LRCH1: variants seen among roughly 807,000 people sequenced by gnomAD.
LRCH1 encodes leucine rich repeats and calponin homology domain containing 1.
Under a neutral mutation model 94.9 loss-of-function variants are expected in LRCH1, and 23 were observed. The ratio of observed to expected loss-of-function variants is 0.24; its 90% CI spans 0.17 to 0.34. LRCH1 has a LOEUF of 0.34. Ranked by LOEUF, LRCH1 falls within the 10% of genes least tolerant of loss-of-function variation. The pLI is 1.00. For synonymous variants in LRCH1, 364 were observed against 354.9 expected, an observed-to-expected ratio of 1.03 and a Z score of -0.29; for missense variants, 790 against 945.9, an observed-to-expected ratio of 0.84 and a Z score of 2.16.
chr13:46,602,978 G>A (rs7992710), intron 1 of LRCH1, among the ~76,000 whole-genome samples: 51 of 149,934 alleles, frequency 3.4e-4, no homozygotes, highest in Non-Finnish European at 6.4e-4. Flanking sequence ...ATACATGCAT[G>A]CATACATACA....
intron 4 of LRCH1, among the ~76,000 whole-genome samples, chr13:46,685,490 T>C (rs181881232): frequency 5.0e-4 from 76 of 152,308 alleles, no homozygotes; most frequent in African/African-American, 1.8e-3. Flanking sequence ...CCCAAATACA[T>C]TGATTAGATA....
chr13:46,585,681 T>C (rs2050427460), intron 1 of LRCH1, among the ~76,000 whole-genome samples: 1 of 152,174 alleles, frequency 6.6e-6, no homozygotes, highest in Non-Finnish European at 1.5e-5. Flanking sequence ...ACTCAAGTAA[T>C]TTTCATTCTT....
intron 15 of LRCH1, among the ~76,000 whole-genome samples, chr13:46,715,138 A>G (rs1872255550): frequency 6.6e-6 from 1 of 152,266 alleles, no homozygotes; most frequent in Middle Eastern, 3.4e-3. Context: ...ATTCTATGTC[A>G]CCAATTTTTT....
chr13:46,671,751 AAAAC>A, intron 3 of LRCH1, among the ~76,000 whole-genome samples: 1 of 152,366 alleles, frequency 6.6e-6, no homozygotes, highest in Non-Finnish European at 1.5e-5. Flanking sequence ...AACAACTAAA[AAAAC>A]CAGACTTTAT....
intron 5 of LRCH1, 59 bp downstream of exon 5, chr13:46,686,100 G>A: frequency 7.3e-7 from 1 of 1,375,394 alleles, no homozygotes; most frequent in East Asian, 2.7e-5. Flanking sequence ...AGGAGCCAAG[G>A]GAAAATTTCC....
intron 17 of LRCH1, among the ~76,000 whole-genome samples, chr13:46,726,808 T>C (rs1318842321): frequency 1.4e-5 from 2 of 140,980 alleles, no homozygotes; most frequent in African/African-American, 5.2e-5. Flanking sequence ...GATGCCTGCA[T>C]TCACCTGGCG....
At chr13:46,609,739 A>G (rs2050726583) in intron 1 of LRCH1, among the ~76,000 whole-genome samples, 2 of 152,132 alleles carry the variant, frequency 1.3e-5, no homozygotes, top group Admixed American at 1.3e-4. Context: ...GTGACAGGCA[A>G]TAATTAAGTA....
chr13:46,643,344 G>T (rs2051181687), intron 1 of LRCH1, among the ~76,000 whole-genome samples: 1 of 152,208 alleles, frequency 6.6e-6, no homozygotes, highest in Non-Finnish European at 1.5e-5. Context: ...GCAGAGTTAG[G>T]AATGCTCATA....
chr13:46,690,661 G>A (rs1223537534), intron 7 of LRCH1, among the ~76,000 whole-genome samples: 1 of 152,104 alleles, frequency 6.6e-6, no homozygotes, highest in Non-Finnish European at 1.5e-5. Context: ...GAAAGAGAAG[G>A]GAATACAGAA....
intron 1 of LRCH1, among the ~76,000 whole-genome samples, chr13:46,641,740 G>A (rs959872908): frequency 6.6e-6 from 1 of 152,132 alleles, no homozygotes; most frequent in Non-Finnish European, 1.5e-5. Context: ...ATCCTCCTGA[G>A]ACACCACTTT....
At chr13:46,682,683 G>A (rs915095845) in intron 4 of LRCH1, among the ~76,000 whole-genome samples, 1 of 152,126 alleles carries the variant, frequency 6.6e-6, no homozygotes, top group Non-Finnish European at 1.5e-5. Flanking sequence ...GTGATACTTG[G>A]ACTAATGTCT....
At chr13:46,591,364 A>G (rs578097487) in intron 1 of LRCH1, among the ~76,000 whole-genome samples, 42 of 152,248 alleles carry the variant, frequency 2.8e-4, no homozygotes, top group African/African-American at 9.4e-4. Context: ...ATTAATATCT[A>G]ATTTGTTGGA....
intron 19 of LRCH1, among the ~76,000 whole-genome samples, chr13:46,740,869 T>A (rs995043292): frequency 2.0e-5 from 3 of 152,180 alleles, no homozygotes; most frequent in African/African-American, 7.2e-5. Context: ...TCTGCTTCCT[T>A]ACATGGTGAC....
In LRCH1 at chr13:46,586,422, T is replaced by A. The variant is rs575909723; in HGVS notation, c.307+32719T>A. 2.0e-5 allele frequency among the ~76,000 whole-genome samples: 3 copies of A among 152,204 alleles called. No individual in the cohort carries two copies. In the South Asian group the frequency reaches 6.2e-4, roughly 31 times the overall value. ...ATTTTTTCATTCAGTTAGGTTTTTG[T>A]TTTTGTTTTTTGAGACAGGGTCTCC... On this transcript the variant is annotated intron_variant, in intron 1 of 19. Transcript: ENST00000389797.
intron 1 of LRCH1, among the ~76,000 whole-genome samples, chr13:46,587,242 G>GTCTTTGAC (rs1205405666): frequency 6.6e-6 from 1 of 152,128 alleles, no homozygotes; most frequent in African/African-American, 2.4e-5. Flanking sequence ...TGCCCTCTTT[G>GTCTTTGAC]TCTTTGACTG....
chr13:46,668,745 G>GGGGTGGCA (rs2051556522), intron 2 of LRCH1, among the ~76,000 whole-genome samples: 1 of 139,364 alleles, frequency 7.2e-6, no homozygotes, highest in Non-Finnish European at 1.6e-5. Context: ...GCGGGGTGGC[G>GGGGTGGCA]GGGGGACTTT....
chr13:46,705,889 C>T (rs990632340), intron 13 of LRCH1, among the ~76,000 whole-genome samples: 3 of 152,074 alleles, frequency 2.0e-5, no homozygotes, highest in African/African-American at 7.2e-5. Context: ...CTTAGAATGT[C>T]CTAAAGCCAG....
At chr13:46,580,835 G>C (rs1222113626) in intron 1 of LRCH1, among the ~76,000 whole-genome samples, 2 of 152,204 alleles carry the variant, frequency 1.3e-5, no homozygotes, top group Non-Finnish European at 2.9e-5. Flanking sequence ...AGGACAGTTG[G>C]TACAAATTAC....
intron 2 of LRCH1, among the ~76,000 whole-genome samples, chr13:46,658,327 T>C (rs1466754575): frequency 6.6e-6 from 1 of 152,228 alleles, no homozygotes; most frequent in Non-Finnish European, 1.5e-5. Context: ...TGATTTTTTC[T>C]TTTCTTACAG....
Sources: allele counts gnomAD v4.1 joint callset (sites outside exome capture counted in the v4.1 genomes callset), GRCh38; gene constraint gnomAD v4.1.1; transcripts MANE v1.5; gene names NCBI Gene and HGNC (gene_info 2026-07-23, HGNC 2026-07-21).